Variants in RBFOX1 observed in about 807,000 individuals in gnomAD.
RBFOX1 encodes the protein RNA binding protein fox-1 homolog 1.
RBFOX1 carries 8 observed loss-of-function variants against 57.7 expected under a neutral mutation model. That is an observed-to-expected ratio of 0.14 (90% CI 0.08 to 0.25). RBFOX1 has a LOEUF of 0.25. Among genes scored for constraint, RBFOX1 ranks in the 10% least tolerant of loss-of-function variants. The pLI, the probability that RBFOX1 is intolerant of heterozygous loss-of-function variation, is 1.00. For synonymous variants in RBFOX1, 326 were observed against 222.4 expected, an observed-to-expected ratio of 1.47 and a Z score of -4.15; for missense variants, 611 against 548.5, an observed-to-expected ratio of 1.11 and a Z score of -1.14.
chr16:6,105,414 A>G (rs2096366461), intron 1 of RBFOX1, among the ~76,000 whole-genome samples: 1 of 152,170 alleles, frequency 6.6e-6, no homozygotes, highest in Non-Finnish European at 1.5e-5. Flanking sequence ...AGTTTTGTTC[A>G]TCAGAATTAT....
intron 3 of RBFOX1, among the ~76,000 whole-genome samples, chr16:6,978,424 T>C (rs944601169): frequency 6.6e-6 from 1 of 152,186 alleles, no homozygotes; most frequent in Non-Finnish European, 1.5e-5. Flanking sequence ...ACATGATATC[T>C]GGAAGAATAG....
intron 2 of RBFOX1, among the ~76,000 whole-genome samples, chr16:6,627,646 A>G (rs187052820): frequency 6.6e-6 from 1 of 152,166 alleles, no homozygotes; most frequent in Non-Finnish European, 1.5e-5. Context: ...TGTTCTTGAG[A>G]CATGTGATAA....
chr16:7,347,811 A>T (rs950765332), intron 4 of RBFOX1, among the ~76,000 whole-genome samples: 5 of 152,160 alleles, frequency 3.3e-5, no homozygotes, highest in African/African-American at 1.2e-4. Context: ...AGTATTGCTG[A>T]GTAGTCCTGG....
At position 5,886,861 on chromosome 16, in the gene RBFOX1, C is replaced by T. The variant is rs1225817014; in HGVS notation, c.351+19526C>T. ...CGAGATTGTGCCACAGCATTCTAGC[C>T]TGGGCAACGGAGTGAGACTCTGTCT... On this transcript the variant is annotated intron_variant, in intron 4 of 19. Coordinates refer to the RBFOX1 transcript ENST00000641259. Among the ~76,000 whole-genome samples, 3 of 152,228 alleles carry T rather than the reference C, an allele frequency of 2.0e-5. No homozygotes were observed. In the East Asian group the frequency reaches 5.8e-4, roughly 29 times the overall value.
At position 7,375,855 on chromosome 16, in the gene RBFOX1, C is replaced by A. The variant is rs148074138; in HGVS notation, c.28-142292C>A. ...GCAATAATTTTATTATTTGGTACTA[C>A]TTGGGAAAAGTAATCTTTGATATGA... On this transcript the variant is annotated intron_variant, in intron 4 of 15. Transcript: ENST00000550418. Among the ~76,000 whole-genome samples the A allele has an allele frequency of 5.3e-5, 8 of 152,230 alleles. 1 individual carries two copies. In the South Asian group the frequency reaches 1.0e-3, roughly 20 times the overall value.
chr16:6,147,033 A>G (rs1443037256), intron 1 of RBFOX1, among the ~76,000 whole-genome samples: 4 of 152,172 alleles, frequency 2.6e-5, no homozygotes, highest in African/African-American at 4.8e-5. Flanking sequence ...TCACTGCATC[A>G]GCATCGCCTT....
At chr16:7,098,076 G>A (rs1340586477) in intron 4 of RBFOX1, among the ~76,000 whole-genome samples, 1 of 152,190 alleles carries the variant, frequency 6.6e-6, no homozygotes, top group Non-Finnish European at 1.5e-5. Flanking sequence ...AACTTAAAAG[G>A]CTAATCAAAC....
chr16:5,309,953 G>A (rs906575730), intron 1 of RBFOX1, among the ~76,000 whole-genome samples: 4 of 152,148 alleles, frequency 2.6e-5, no homozygotes, highest in African/African-American at 9.7e-5. Flanking sequence ...TTGATTTAGA[G>A]AGAGCTGCTT....
At chr16:7,568,810 C>G (rs897766460) in intron 5 of RBFOX1, among the ~76,000 whole-genome samples, 1 of 138,586 alleles carries the variant, frequency 7.2e-6, no homozygotes, top group Non-Finnish European at 1.5e-5. Context: ...TGGCGTGAAC[C>G]CGGGAGGCGG....
intron 4 of RBFOX1, among the ~76,000 whole-genome samples, chr16:5,959,434 A>C (rs1382819584): frequency 6.6e-6 from 1 of 152,188 alleles, no homozygotes; most frequent in African/African-American, 2.4e-5. Flanking sequence ...CATTCCATTG[A>C]CCTAGCATCC....
At chr16:6,953,947 C>T (rs1014368952) in intron 3 of RBFOX1, among the ~76,000 whole-genome samples, 1 of 152,098 alleles carries the variant, frequency 6.6e-6, no homozygotes, top group Non-Finnish European at 1.5e-5. Flanking sequence ...AGAGGAGTAA[C>T]CTCTTATTTA....
intron 3 of RBFOX1, among the ~76,000 whole-genome samples, chr16:5,779,028 T>C (rs566439410): frequency 6.6e-6 from 1 of 152,342 alleles, no homozygotes; most frequent in East Asian, 1.9e-4. Flanking sequence ...ATTTCTGGGA[T>C]GAACCAACCT....
At chr16:5,388,737 G>A (rs556881859) in intron 1 of RBFOX1, among the ~76,000 whole-genome samples, 25 of 151,796 alleles carry the variant, frequency 1.6e-4, no homozygotes, top group Non-Finnish European at 3.5e-4. Context: ...ACCATGCCCA[G>A]CTAATTTTTT....
intron 3 of RBFOX1, among the ~76,000 whole-genome samples, chr16:6,930,881 A>C (rs578129950): frequency 6.6e-6 from 1 of 152,008 alleles, no homozygotes; most frequent in African/African-American, 2.4e-5. Context: ...TTCCTATCCA[A>C]TACCCCTGCC....
chr16:6,512,798 T>C (rs905844644), intron 2 of RBFOX1, among the ~76,000 whole-genome samples: 9 of 152,178 alleles, frequency 5.9e-5, no homozygotes, highest in African/African-American at 2.2e-4. Flanking sequence ...TCTCATTGTC[T>C]TAGCCACAGC....
At chr16:6,452,766 A>G (rs780129358) in intron 2 of RBFOX1, among the ~76,000 whole-genome samples, 4 of 152,166 alleles carry the variant, frequency 2.6e-5, no homozygotes, top group African/African-American at 9.7e-5. Flanking sequence ...TTATTTCACT[A>G]GCTATGTGAC....
chr16:5,948,983 T>A lies in RBFOX1; in HGVS notation c.351+81648T>A, dbSNP rs117803649. Among the ~76,000 whole-genome samples the A allele has an allele frequency of 1.7e-4, 26 of 152,286 alleles. 1 individual carries two copies. In the East Asian group the frequency reaches 4.4e-3, roughly 26 times the overall value. ...CTGTTTGGCATCTTCTCTCTTGCTG[T>A]CACAATCTCTTTCTCTCTATGTGTT... is the stretch of plus-strand genomic sequence containing the variant. On this transcript the variant is annotated intron_variant, in intron 4 of 19. Transcript: ENST00000641259.
chr16:7,101,346 G>A (rs913034653), intron 4 of RBFOX1, among the ~76,000 whole-genome samples: 1 of 152,164 alleles, frequency 6.6e-6, no homozygotes, highest in South Asian at 2.1e-4. Flanking sequence ...GAAAATAAAA[G>A]GGAATTTAGG....
chr16:6,855,438 T>G (rs1286090103), intron 3 of RBFOX1, among the ~76,000 whole-genome samples: 2 of 151,836 alleles, frequency 1.3e-5, no homozygotes, highest in Non-Finnish European at 2.9e-5. Context: ...GATCATGAGG[T>G]CAGGAGATCG....
Sources: allele counts gnomAD v4.1 joint callset (sites outside exome capture counted in the v4.1 genomes callset), GRCh38; gene constraint gnomAD v4.1.1; transcripts MANE v1.5; gene names NCBI Gene and HGNC (gene_info 2026-07-23, HGNC 2026-07-21).